Variants in GLIS3 observed in about 807,000 individuals in gnomAD.
GLIS3 encodes GLIS family zinc finger 3.
In GLIS3, 53 loss-of-function variants were observed where a neutral mutation model predicts 78.6. That is an observed-to-expected ratio of 0.67 (90% CI 0.54 to 0.85). The LOEUF is 0.85. Among genes scored for constraint, GLIS3 ranks in the 40% least tolerant of loss-of-function variants. The pLI is 0.00. For synonymous variants in GLIS3, 684 were observed against 509.9 expected (o/e 1.34, Z -4.60); for missense variants, 1,703 against 1,231.1 (o/e 1.38, Z -5.74).
intron 2 of GLIS3, among the ~76,000 whole-genome samples, chr9:4,170,116 C>G (rs1340466406): frequency 1.3e-5 from 2 of 152,178 alleles, no homozygotes; most frequent in Non-Finnish European, 1.5e-5. Context: ...CACATGATTC[C>G]TGCCTTCAAA....
intron 4 of GLIS3, among the ~76,000 whole-genome samples, chr9:4,036,314 CCTCTCT>C (rs1824302939): frequency 6.6e-6 from 1 of 152,094 alleles, no homozygotes; most frequent in East Asian, 1.9e-4. Flanking sequence ...TAATTTCAAT[CCTCTCT>C]AATCTTTATT....
At chr9:4,010,858 G>A (rs1261666258) in intron 4 of GLIS3, among the ~76,000 whole-genome samples, 1 of 152,168 alleles carries the variant, frequency 6.6e-6, no homozygotes, top group Non-Finnish European at 1.5e-5. Context: ...TGAACCTGAT[G>A]GAGGTTCCAA....
intron 4 of GLIS3, among the ~76,000 whole-genome samples, chr9:4,080,165 T>A (rs888073225): frequency 1.3e-5 from 2 of 152,240 alleles, no homozygotes; most frequent in Non-Finnish European, 2.9e-5. Flanking sequence ...TCCTATACTA[T>A]CCTTTCTTCC....
chr9:4,329,953 C>G (rs1817661362), intron 2 of GLIS3, among the ~76,000 whole-genome samples: 1 of 151,322 alleles, frequency 6.6e-6, no homozygotes, highest in Non-Finnish European at 1.5e-5. Context: ...TTTAGTGTAT[C>G]AATTAATTTC....
intron 1 of GLIS3, among the ~76,000 whole-genome samples, chr9:4,289,733 G>A (rs1420593178): frequency 6.6e-6 from 1 of 152,114 alleles, no homozygotes; most frequent in Admixed American, 6.5e-5. Context: ...TTTTGGATCT[G>A]ACATTGTGGC....
chr9:4,055,682 T>C (rs1401821706), intron 4 of GLIS3, among the ~76,000 whole-genome samples: 1 of 152,206 alleles, frequency 6.6e-6, no homozygotes, highest in African/African-American at 2.4e-5. Flanking sequence ...TCACTTTCAA[T>C]GGCAGGCTTC....
chr9:4,412,471 T>C, the GLIS3 span, among the ~76,000 whole-genome samples: 2 of 152,176 alleles, frequency 1.3e-5, no homozygotes, highest in Admixed American at 6.5e-5. Flanking sequence ...TCTAGAACAG[T>C]TAATCTATGT....
At chr9:4,437,798 C>T in the GLIS3 span, among the ~76,000 whole-genome samples, 1 of 152,168 alleles carries the variant, frequency 6.6e-6, no homozygotes, top group Non-Finnish European at 1.5e-5. Flanking sequence ...GGGTGAGGAC[C>T]TTTAAGATGA....
At chr9:4,456,863 T>A in the GLIS3 span, among the ~76,000 whole-genome samples, 1 of 152,186 alleles carries the variant, frequency 6.6e-6, no homozygotes, top group Admixed American at 6.5e-5. Context: ...TGGGCATGGT[T>A]CATGGTATCC....
At chr9:4,162,255 C>G (rs7025900) in intron 2 of GLIS3, among the ~76,000 whole-genome samples, 60,380 of 151,968 alleles carry the variant, frequency 0.4, 12,152 homozygotes, top group Non-Finnish European at 0.44. Context: ...TTAGATCCCA[C>G]TCTAATCCGG....
chr9:3,961,384 T>C (rs1193365207), intron 4 of GLIS3, among the ~76,000 whole-genome samples: 3 of 152,238 alleles, frequency 2.0e-5, no homozygotes, highest in Non-Finnish European at 4.4e-5. Context: ...GACCAAAATA[T>C]ACTATTCTCC....
chr9:4,395,603 G>A, the GLIS3 span, among the ~76,000 whole-genome samples: 3 of 152,096 alleles, frequency 2.0e-5, no homozygotes, highest in East Asian at 1.9e-4. Flanking sequence ...CCACTTGTCA[G>A]TACAAACCCC....
At position 4,268,883 on chromosome 9, in the gene GLIS3, C is replaced by T. The variant is rs945543441; in HGVS notation, c.388+17155G>A. ...ACCCCTTCCTTTCGATCCTCCAGCA[C>T]TAGGGCAGTAGCTGTTTGCTGCAGC... On this transcript the variant is annotated intron_variant, in intron 2 of 10. Transcript: ENST00000381971. Among the ~76,000 whole-genome samples, 4 of 152,176 alleles carry T rather than the reference C, an allele frequency of 2.6e-5. No individual in the cohort carries two copies. In the East Asian group the frequency reaches 7.7e-4, roughly 29 times the overall value.
In GLIS3 at chr9:3,826,895, AT is replaced by A. The variant is rs377113657; in HGVS notation, c.*1376del. On this transcript the variant is annotated 3_prime_UTR_variant, in exon 11 of 11. Transcript: ENST00000381971. ...CTTACTGTGTCTTTGGGACTGGCCA[AT>A]TTTTATAGCTGATGCCCTAGGACTT... 21 of 152,324 alleles carry A rather than the reference AT, an allele frequency of 1.4e-4. No individual in the cohort carries two copies. The South Asian group carries it at 4.3e-3, about 32-fold the overall frequency. 9.4% of individuals were successfully genotyped at this position (152,324 alleles called of 1,614,324 possible). A position where few individuals can be genotyped will look rare whatever the true frequency, so the allele number is the denominator to read the frequency against.
chr9:4,055,179 A>G (rs1301489461), intron 4 of GLIS3, among the ~76,000 whole-genome samples: 1 of 152,094 alleles, frequency 6.6e-6, no homozygotes, highest in Non-Finnish European at 1.5e-5. Flanking sequence ...CTTGCTTCTC[A>G]GCATATGGAG....
chr9:4,075,905 A>G (rs1277368004), intron 4 of GLIS3, among the ~76,000 whole-genome samples: 1 of 152,226 alleles, frequency 6.6e-6, no homozygotes, highest in African/African-American at 2.4e-5. Context: ...TTAAAGGCAA[A>G]TCTAATCTAA....
the GLIS3 span, among the ~76,000 whole-genome samples, chr9:4,433,869 G>T: frequency 6.6e-6 from 1 of 152,194 alleles, no homozygotes. Context: ...GGCCAAGGCA[G>T]GTGGATCATG....
chr9:4,314,828 G>A (rs570560300), intron 2 of GLIS3, among the ~76,000 whole-genome samples: 1 of 152,192 alleles, frequency 6.6e-6, no homozygotes, highest in Non-Finnish European at 1.5e-5. Context: ...AGGGAGAATG[G>A]ATGAACCAAT....
intron 2 of GLIS3, among the ~76,000 whole-genome samples, chr9:4,194,030 C>A (rs1043384834): frequency 3.3e-5 from 5 of 152,110 alleles, no homozygotes; most frequent in Admixed American, 6.5e-5. Context: ...TACATTTTGG[C>A]CTTGCCGCTT....
Sources: gnomAD v4.1 joint callset for allele counts (sites outside exome capture counted in the v4.1 genomes callset) on GRCh38, gnomAD v4.1.1 for gene constraint, MANE v1.5 for transcripts, NCBI Gene and HGNC (gene_info 2026-07-23, HGNC 2026-07-21) for gene names.